SENP6: variants seen among roughly 807,000 people sequenced by gnomAD.
The protein encoded by SENP6 is SUMO specific peptidase 6, also known as sentrin-specific protease 6.
Under a neutral mutation model 134.5 loss-of-function variants are expected in SENP6, and 41 were observed. That is an observed-to-expected ratio of 0.30 (90% CI 0.24 to 0.40). The LOEUF (loss-of-function observed/expected upper bound fraction) is 0.40. SENP6 is among the 10% of genes least tolerant of loss of function. The pLI is 1.00. For synonymous variants in SENP6, 395 were observed against 429.8 expected, an observed-to-expected ratio of 0.92 and a Z score of 1.00; for missense variants, 1,248 against 1,312.5, an observed-to-expected ratio of 0.95 and a Z score of 0.76.
intron 7 of SENP6, among the ~76,000 whole-genome samples, chr6:75,657,489 C>G (rs1474865155): frequency 6.6e-6 from 1 of 152,142 alleles, no homozygotes; most frequent in African/African-American, 2.4e-5. Context: ...ATCATTATCT[C>G]TGTGTCACAA....
rs369920056 is a variant in SENP6, at chr6:75,640,851, A to G, written c.479+147A>G. On this transcript the variant is annotated intron_variant, in intron 6 of 23. Transcript: ENST00000447266. ...GTTTTAGTTGACATGTAATAATTGT[A>G]CATATTTATAGGATACAGAGTAATA... 53 of 462,406 alleles carry G rather than the reference A, an allele frequency of 1.1e-4. No individual in the cohort carries two copies. The South Asian group carries it at 1.7e-3, about 15-fold the overall frequency. 28.6% of individuals were successfully genotyped at this position (462,406 alleles called of 1,614,324 possible).
At chr6:75,642,704 T>G (rs796153696) in intron 6 of SENP6, among the ~76,000 whole-genome samples, 5 of 152,350 alleles carry the variant, frequency 3.3e-5, no homozygotes, top group African/African-American at 1.2e-4. Context: ...TAGGGAAGTA[T>G]TGTTACCTGA....
chr6:75,630,051 T>C (rs1768990436), intron 3 of SENP6, among the ~76,000 whole-genome samples: 1 of 151,868 alleles, frequency 6.6e-6, no homozygotes, highest in Non-Finnish European at 1.5e-5. Flanking sequence ...AGGGCCACAA[T>C]GTGCAACTTG....
intron 18 of SENP6, among the ~76,000 whole-genome samples, chr6:75,699,354 C>CTTTTTTTTT (rs71544060): frequency 2.6e-5 from 3 of 115,016 alleles, no homozygotes; most frequent in Non-Finnish European, 3.5e-5. Context: ...TTTGTTTTTG[C>CTTTTTTTTT]TTTTTTTTTT....
At chr6:75,676,901 A>T (rs1040789452) in intron 13 of SENP6, 129 bp from the exon 14 acceptor site, 11 of 596,890 alleles carry the variant, frequency 1.8e-5, no homozygotes, top group Non-Finnish European at 2.4e-5. Context: ...TGTATGTCAG[A>T]CATTGTTGTG....
chr6:75,621,651 G>A (rs1768280717), intron 2 of SENP6, 26 bp downstream of exon 2: 2 of 1,376,290 alleles, frequency 1.5e-6, no homozygotes, highest in Non-Finnish European at 2.0e-6. Flanking sequence ...TCCCTCAGAT[G>A]TTTTATAAGA....
At chr6:75,634,601 T>A in intron 4 of SENP6, 106 bp from the exon 5 acceptor site, 2 of 567,286 alleles carry the variant, frequency 3.5e-6, no homozygotes, top group Non-Finnish European at 5.9e-6. Context: ...TTTGTTGTTG[T>A]TGGTAAAGGT....
chr6:75,653,772 A>G (rs1253726389), intron 7 of SENP6, among the ~76,000 whole-genome samples: 1 of 152,134 alleles, frequency 6.6e-6, no homozygotes, highest in East Asian at 1.9e-4. Context: ...CTATAAAATG[A>G]CAGTGTCTGT....
chr6:75,675,749 A>G, intron 12 of SENP6, 111 bp from the exon 13 acceptor site: 1 of 996,670 alleles, frequency 1.0e-6, no homozygotes. Context: ...TTTATAGAGC[A>G]TAATAAATAT....
At chr6:75,638,683 A>G (rs1248549662) in intron 5 of SENP6, among the ~76,000 whole-genome samples, 1 of 100,584 alleles carries the variant, frequency 9.9e-6, no homozygotes, top group Non-Finnish European at 2.0e-5. Flanking sequence ...CCCTTGGCTT[A>G]TTGGGAAGTA....
At chr6:75,688,904 T>C (rs1774035539) in intron 16 of SENP6, among the ~76,000 whole-genome samples, 1 of 152,128 alleles carries the variant, frequency 6.6e-6, no homozygotes, top group Admixed American at 6.5e-5. Context: ...CCAACTCTAC[T>C]AAAAATACAA....
chr6:75,655,715 C>T (rs1008671543), intron 7 of SENP6, among the ~76,000 whole-genome samples: 1 of 152,106 alleles, frequency 6.6e-6, no homozygotes, highest in African/African-American at 2.4e-5. Flanking sequence ...TATAAATAAT[C>T]GATAAACAAC....
chr6:75,603,440 T>C (rs1482753589), intron 1 of SENP6, among the ~76,000 whole-genome samples: 1 of 152,238 alleles, frequency 6.6e-6, no homozygotes, highest in East Asian at 1.9e-4. Flanking sequence ...GTTTACACTT[T>C]GTTTAGCAAA....
chr6:75,682,062 A>G (rs1264737879), intron 16 of SENP6, among the ~76,000 whole-genome samples: 2 of 152,198 alleles, frequency 1.3e-5, no homozygotes. Context: ...GATGGAAAAG[A>G]TAAACCATAC....
chr6:75,685,381 C>T (rs1251442650), intron 16 of SENP6, among the ~76,000 whole-genome samples: 1 of 151,964 alleles, frequency 6.6e-6, no homozygotes, highest in African/African-American at 2.4e-5. Flanking sequence ...GTCTCTATCT[C>T]CTTCAGTTCT....
Position 75,602,456 on chromosome 6 carries a change from C to G in SENP6, c.-69C>G, listed in dbSNP as rs1329943251. 6 of 1,534,390 alleles carry G rather than the reference C, an allele frequency of 3.9e-6. No homozygotes were observed. The highest frequency in any genetic ancestry group is 3.9e-5 in the Admixed American group (2 of 50,880). On this transcript the variant is annotated 5_prime_UTR_variant, in exon 1 of 24. Coordinates refer to ENST00000447266, the MANE Select transcript of SENP6 (RefSeq NM_015571.4). ...GCGTCTACCCTCCTCCGGCGCGGCC[C>G]CTCATCCCGGCGAGCACGGCGGCGG...
intron 7 of SENP6, among the ~76,000 whole-genome samples, chr6:75,657,010 G>GT (rs1275375685): frequency 1.3e-5 from 2 of 152,084 alleles, no homozygotes; most frequent in Non-Finnish European, 2.9e-5. Context: ...AAATGATATT[G>GT]TTTTTTTAAA....
intron 11 of SENP6, among the ~76,000 whole-genome samples, chr6:75,672,433 T>C (rs1436384337): frequency 6.6e-6 from 1 of 152,222 alleles, no homozygotes; most frequent in Non-Finnish European, 1.5e-5. Flanking sequence ...AGGCAGTATA[T>C]GTAACATAAA....
intron 5 of SENP6, among the ~76,000 whole-genome samples, chr6:75,635,468 T>C (rs934346808): frequency 3.3e-5 from 5 of 152,170 alleles, no homozygotes; most frequent in African/African-American, 1.2e-4. Context: ...TTAGATACTG[T>C]TCTTCATTTT....
Sources: gnomAD v4.1 joint callset for allele counts (sites outside exome capture counted in the v4.1 genomes callset) on GRCh38, gnomAD v4.1.1 for gene constraint, MANE v1.5 for transcripts, NCBI Gene and HGNC (gene_info 2026-07-23, HGNC 2026-07-21) for gene names.